PHIP: variants seen among roughly 807,000 people sequenced by gnomAD.
The protein encoded by PHIP is PHIP subunit of CUL4-Ring ligase complex.
Under a neutral mutation model 236.8 loss-of-function variants are expected in PHIP, and 54 were observed. The observed-to-expected ratio is 0.23, with a 90% CI of 0.18 to 0.29. The LOEUF (loss-of-function observed/expected upper bound fraction) is 0.29, where lower values mean the gene tolerates loss of function less well. PHIP is among the 10% of genes least tolerant of loss of function. The probability of loss-of-function intolerance (pLI) is 1.00; values close to 1 mark genes in which losing one functional copy is unlikely to be tolerated. For missense variants in PHIP, 1,370 were observed against 2,190.8 expected (o/e 0.63, Z 7.48); for synonymous variants, 756 against 718.9 (o/e 1.05, Z -0.83).
At chr6:78,944,978 T>C (rs1773721054) in intron 39 of PHIP, among the ~76,000 whole-genome samples, 1 of 152,170 alleles carries the variant, frequency 6.6e-6, no homozygotes, top group Non-Finnish European at 1.5e-5. Context: ...GAAAAATAAG[T>C]AGTTTTGTGA....
chr6:78,990,785 C>T, intron 20 of PHIP, 83 bp downstream of exon 20: 3 of 684,912 alleles, frequency 4.4e-6, no homozygotes, highest in Non-Finnish European at 7.5e-6. Flanking sequence ...TTTATAATAC[C>T]ATGTTAAATT....
chr6:78,948,690 T>TAGAATGTTGCTGAGACTGGTCTC (rs1393549114), intron 35 of PHIP, among the ~76,000 whole-genome samples: 5 of 152,100 alleles, frequency 3.3e-5, no homozygotes, highest in Non-Finnish European at 7.4e-5. Flanking sequence ...AGACGGGTCT[T>TAGAATGTTGCTGAGACTGGTCTC]AGCATGTTGC....
At chr6:78,977,140 T>C (rs1348048388) in intron 24 of PHIP, among the ~76,000 whole-genome samples, 18 of 145,558 alleles carry the variant, frequency 1.2e-4, no homozygotes, top group African/African-American at 4.1e-4. Context: ...TGTCCAACAA[T>C]GATAGACTGG....
Position 78,985,379 on chromosome 6 carries a change from C to CT in PHIP, c.2509dup (p.Arg837LysfsTer6), listed in dbSNP as rs1768797967. On this transcript the variant is annotated frameshift_variant, in exon 22 of 40. Transcript: ENST00000275034. LOFTEE classifies it high-confidence loss of function. ...AGAACTGCCATCACTGTGCCATGCTCTCTCTTCTTCTTCGGATGTTCCACC... is the reference window on the plus strand; with the variant it reads ...AGAACTGCCATCACTGTGCCATGCTCTTCTCTTCTTCTTCGGATGTTCCACC... 1 of 1,600,424 alleles carries CT rather than the reference C, an allele frequency of 6.2e-7. No homozygotes were observed. The highest frequency in any genetic ancestry group is 1.3e-5 in the African/African-American group (1 of 74,618).
chr6:78,990,825 A>G, intron 20 of PHIP, 43 bp downstream of exon 20: 3 of 1,122,676 alleles, frequency 2.7e-6, no homozygotes, highest in Non-Finnish European at 4.0e-6. Flanking sequence ...TGGTCACTAT[A>G]CTTAAGAAGC....
chr6:79,012,498 C>A (rs965742736), intron 15 of PHIP, among the ~76,000 whole-genome samples: 2 of 151,570 alleles, frequency 1.3e-5, no homozygotes, highest in African/African-American at 4.8e-5. Context: ...CTCTAATAGA[C>A]CAAAGCACTA....
chr6:79,056,640 A>C (rs1773088809), intron 6 of PHIP, among the ~76,000 whole-genome samples: 1 of 152,126 alleles, frequency 6.6e-6, no homozygotes, highest in South Asian at 2.1e-4. Context: ...GGATGCTAAT[A>C]AACATCCAAC....
chr6:78,973,445 G>A (rs1171512605), intron 24 of PHIP, among the ~76,000 whole-genome samples: 1 of 140,074 alleles, frequency 7.1e-6, no homozygotes, highest in African/African-American at 2.7e-5. Context: ...AAAGACCATC[G>A]AGACTAGGAA....
In PHIP at chr6:78,975,077, T is replaced by G. The variant is rs370609876; in HGVS notation, c.2889+3515A>C. On this transcript the variant is annotated intron_variant, in intron 24 of 39. Coordinates refer to ENST00000275034, the MANE Select transcript of PHIP (RefSeq NM_017934.7). ...TGGGCAGAGACACAACCAAAAAAGATAATTTTAGACCAATATCCTTGATGA... is the reference window on the plus strand; with the variant it reads ...TGGGCAGAGACACAACCAAAAAAGAGAATTTTAGACCAATATCCTTGATGA... 4.9e-3 allele frequency among the ~76,000 whole-genome samples: 737 copies of G among 150,730 alleles called. 12 individuals carry two copies. The highest frequency in any genetic ancestry group is 0.017 in the African/African-American group (687 of 40,404).
At chr6:79,070,964 A>T (rs1366083871) in intron 4 of PHIP, among the ~76,000 whole-genome samples, 1 of 151,974 alleles carries the variant, frequency 6.6e-6, no homozygotes, top group Non-Finnish European at 1.5e-5. Flanking sequence ...TCTCTTCTGC[A>T]AAAAAACCTG....
chr6:78,971,351 C>T (rs112011685), intron 24 of PHIP, among the ~76,000 whole-genome samples: 1 of 152,180 alleles, frequency 6.6e-6, no homozygotes, highest in African/African-American at 2.4e-5. Context: ...TCATGAAGAT[C>T]AAATTTAAGT....
chr6:78,964,325 A>G (rs1178760294), intron 29 of PHIP, among the ~76,000 whole-genome samples: 1 of 152,194 alleles, frequency 6.6e-6, no homozygotes, highest in Non-Finnish European at 1.5e-5. Context: ...TCTGAGGTCT[A>G]CGAGACTGGG....
chr6:79,071,733 G>A (rs1773889991), intron 4 of PHIP, among the ~76,000 whole-genome samples: 1 of 152,032 alleles, frequency 6.6e-6, no homozygotes. Flanking sequence ...GAAACTACTA[G>A]TAAGAATGAA....
Position 78,955,124 on chromosome 6 carries a change from T to A in PHIP, c.3903+108A>T, listed in dbSNP as rs190111234. ...CATACATTTTGTAATTGAAACTAAT[T>A]TGAAATACTTAATGTCTTTTAAAAT... On this transcript the variant is annotated intron_variant, in intron 34 of 39. Coordinates refer to ENST00000275034, the MANE Select transcript of PHIP (RefSeq NM_017934.7). The A allele has an allele frequency of 6.8e-4, 607 of 896,352 alleles. 7 individuals carry two copies. Among genetic ancestry groups the A allele is most frequent in the South Asian group, 5.7e-3 (301 of 53,062 alleles). The allele number at this position is 896,352 out of a possible 1,614,324, so 55.5% of individuals were successfully genotyped here.
At chr6:79,064,365 C>T (rs1773520641) in intron 4 of PHIP, among the ~76,000 whole-genome samples, 2 of 152,240 alleles carry the variant, frequency 1.3e-5, no homozygotes, top group South Asian at 4.1e-4. Context: ...ATCCTGGCTA[C>T]CCCTTTCCCG....
chr6:78,961,092 G>T (rs1035485148), intron 31 of PHIP, among the ~76,000 whole-genome samples: 1 of 151,890 alleles, frequency 6.6e-6, no homozygotes, highest in Non-Finnish European at 1.5e-5. Flanking sequence ...TAATAATAAA[G>T]CCTACTGACG....
rs778629354 is a variant in PHIP, at chr6:78,982,866, T to G, written c.2769+20A>C. The G allele has an allele frequency of 6.9e-7, 1 of 1,446,284 alleles. No individual in the cohort carries two copies. Among genetic ancestry groups the G allele is most frequent in the East Asian group, 2.3e-5 (1 of 43,916 alleles). 89.6% of individuals were successfully genotyped at this position (1,446,284 alleles called of 1,614,324 possible). A position where few individuals can be genotyped will look rare whatever the true frequency, so the allele number is the denominator to read the frequency against. The stretch of plus-strand genomic sequence containing the variant: ...CTGTTTCTCTAGAAAACACCAAATT[T>G]GTAATGTTAAAAACCAAACCTTTTG... On this transcript the variant is annotated intron_variant, in intron 23 of 39. Coordinates refer to ENST00000275034, the MANE Select transcript of PHIP (RefSeq NM_017934.7).
At chr6:79,054,563 G>A (rs1182186647) in intron 6 of PHIP, among the ~76,000 whole-genome samples, 1 of 151,200 alleles carries the variant, frequency 6.6e-6, no homozygotes, top group Admixed American at 6.6e-5. Context: ...AAAAAGATAA[G>A]TGAACAGGAA....
In PHIP at chr6:79,060,622, A is replaced by G. The variant is rs1328989144; in HGVS notation, c.340+46T>C. 1.9e-6 allele frequency: 3 copies of G among 1,608,148 alleles called. No individual in the cohort carries two copies. The African/African-American group carries it at 4.0e-5, about 22-fold the overall frequency. On this transcript the variant is annotated intron_variant, in intron 5 of 39. Coordinates refer to ENST00000275034, the MANE Select transcript of PHIP (RefSeq NM_017934.7). Reference sequence around the variant, plus strand: ...TATGCATACAAAGAACACAAAAACAAAAGTGAGATAAATAATGTCTAAATC... The same window carrying G: ...TATGCATACAAAGAACACAAAAACAGAAGTGAGATAAATAATGTCTAAATC...
Sources: allele counts gnomAD v4.1 joint callset (sites outside exome capture counted in the v4.1 genomes callset), GRCh38; gene constraint gnomAD v4.1.1; transcripts MANE v1.5; gene names NCBI Gene and HGNC (gene_info 2026-07-23, HGNC 2026-07-21).